The following DNAJC8 variants were observed in gnomAD, a reference collection of about 807,000 sequenced individuals.
The protein encoded by DNAJC8 is dnaJ homolog subfamily C member 8.
In DNAJC8, 24 loss-of-function variants were observed where a neutral mutation model predicts 43.2. That is an observed-to-expected ratio of 0.56 (90% CI 0.40 to 0.78). DNAJC8 has a LOEUF of 0.78. Among genes scored for constraint, DNAJC8 ranks in the 30% least tolerant of loss-of-function variants. The pLI, the probability that DNAJC8 is intolerant of heterozygous loss-of-function variation, is 0.00. For missense variants in DNAJC8, 207 were observed against 299.4 expected, an observed-to-expected ratio of 0.69 and a Z score of 2.28; for synonymous variants, 83 against 98.0, an observed-to-expected ratio of 0.85 and a Z score of 0.90.
At chr1:28,228,657 T>C (rs1646954035) in intron 2 of DNAJC8, among the ~76,000 whole-genome samples, 1 of 152,160 alleles carries the variant, frequency 6.6e-6, no homozygotes, top group East Asian at 1.9e-4. Context: ...ATTTTCTAAT[T>C]TGGGATGCTT....
chr1:28,209,345 G>C (rs549540249), intron 5 of DNAJC8, among the ~76,000 whole-genome samples: 2 of 152,130 alleles, frequency 1.3e-5, no homozygotes, highest in Non-Finnish European at 2.9e-5. Context: ...TCTTACAAAT[G>C]ACCTCAAGAT....
chr1:28,226,978 A>G (rs530281654), intron 2 of DNAJC8, among the ~76,000 whole-genome samples: 2 of 142,620 alleles, frequency 1.4e-5, no homozygotes, highest in Admixed American at 7.2e-5. Context: ...TGTTCCTTTT[A>G]TTTTCACTTT....
At chr1:28,232,229 G>A (rs1317540389) in intron 1 of DNAJC8, among the ~76,000 whole-genome samples, 1 of 152,114 alleles carries the variant, frequency 6.6e-6, no homozygotes, top group South Asian at 2.1e-4. Context: ...ACTGTGCCCA[G>A]CCCCTTGCAA....
At chr1:28,201,423 C>T in intron 8 of DNAJC8, 53 bp from the exon 9 acceptor site, 1 of 1,609,478 alleles carries the variant, frequency 6.2e-7, no homozygotes. Flanking sequence ...GTGGAAAGGC[C>T]TAAACCTGGT....
intron 1 of DNAJC8, among the ~76,000 whole-genome samples, chr1:28,232,631 C>T (rs190958764): frequency 2.0e-5 from 3 of 152,260 alleles, no homozygotes; most frequent in Non-Finnish European, 2.9e-5. Context: ...CCTCTGCCAG[C>T]CCCCGACTCC....
rs1208639745 is a variant in DNAJC8, at chr1:28,210,713, AC to A, written c.238-77del. 12 of 1,210,602 alleles carry A rather than the reference AC, an allele frequency of 9.9e-6. No individual in the cohort carries two copies. The East Asian group carries it at 2.8e-4, about 29-fold the overall frequency. The allele number at this position is 1,210,602 out of a possible 1,614,324, so 75.0% of individuals were successfully genotyped here. A position where few individuals can be genotyped will look rare whatever the true frequency, so the allele number is the denominator to read the frequency against. ...TTCCAGCCTGCCCTGTCTCGTTACA[AC>A]CAAAAGCTCTAAGGTCCTACGGCAA... On this transcript the variant is annotated intron_variant, in intron 3 of 8. Coordinates refer to ENST00000263697, the MANE Select transcript of DNAJC8 (RefSeq NM_014280.3).
chr1:28,217,531 T>A (rs1227731467), intron 2 of DNAJC8, among the ~76,000 whole-genome samples: 2 of 152,042 alleles, frequency 1.3e-5, no homozygotes, highest in Non-Finnish European at 2.9e-5. Flanking sequence ...CCCACTCTCA[T>A]AACTTCCCAA....
chr1:28,212,215 A>AT lies in DNAJC8; in HGVS notation c.238-1579_238-1578insA, dbSNP rs1557708043. 1.1e-3 allele frequency among the ~76,000 whole-genome samples: 130 copies of AT among 118,992 alleles called. 2 individuals are homozygous for AT. The highest frequency in any genetic ancestry group is 3.7e-3 in the African/African-American group (111 of 29,726). 78.1% of individuals were successfully genotyped at this position (118,992 alleles called of 152,430 possible). A position where few individuals can be genotyped will look rare whatever the true frequency, so the allele number is the denominator to read the frequency against. On this transcript the variant is annotated intron_variant, in intron 3 of 8. Transcript: ENST00000263697. ...TATATATATATATATATATATATATAAATGAAATTAACTATTCAATATAGA... is the reference window on the plus strand; with the variant it reads ...TATATATATATATATATATATATATATAATGAAATTAACTATTCAATATAGA...
At chr1:28,228,597 C>T (rs1646953705) in intron 2 of DNAJC8, among the ~76,000 whole-genome samples, 1 of 152,078 alleles carries the variant, frequency 6.6e-6, no homozygotes, top group Non-Finnish European at 1.5e-5. Context: ...AAATCTGAAA[C>T]TTTCTGAGAG....
At chr1:28,205,434 G>T in intron 6 of DNAJC8, 85 bp from the exon 7 acceptor site, 2 of 989,678 alleles carry the variant, frequency 2.0e-6, no homozygotes, top group Non-Finnish European at 3.1e-6. Flanking sequence ...TGGAGTCCAA[G>T]ATAAAGCAGA....
At chr1:28,205,182 T>G in intron 7 of DNAJC8, 76 bp downstream of exon 7, 1 of 1,139,998 alleles carries the variant, frequency 8.8e-7, no homozygotes, top group Non-Finnish European at 1.3e-6. Flanking sequence ...ATTCCCTCAT[T>G]AGGAAAATCA....
In DNAJC8 at chr1:28,201,206, G is replaced by A. The variant is rs753949516; in HGVS notation, c.*42C>T. 31 of 1,610,486 alleles carry A rather than the reference G, an allele frequency of 1.9e-5. No individual in the cohort carries two copies. In the South Asian group the frequency reaches 3.3e-4, roughly 17 times the overall value. On this transcript the variant is annotated 3_prime_UTR_variant, in exon 9 of 9. Transcript: ENST00000263697. ...GAATGAGTCCTTCGAAGCAGGAAGG[G>A]AGATAGCAGGGGAAAGGTTCTGTGC...
At chr1:28,222,899 G>A (rs1646908403) in intron 2 of DNAJC8, among the ~76,000 whole-genome samples, 1 of 152,174 alleles carries the variant, frequency 6.6e-6, no homozygotes. Context: ...GAAAATGTCA[G>A]CATGGGAGGG....
intron 8 of DNAJC8, among the ~76,000 whole-genome samples, chr1:28,202,756 A>AT (rs756753424): frequency 2.1e-4 from 28 of 134,058 alleles, no homozygotes; most frequent in Non-Finnish European, 3.9e-4. Flanking sequence ...AATTTTTTGT[A>AT]TTTTTTTAGT....
chr1:28,215,286 C>A (rs748989979), intron 2 of DNAJC8, among the ~76,000 whole-genome samples: 2 of 152,044 alleles, frequency 1.3e-5, no homozygotes, highest in Non-Finnish European at 2.9e-5. Flanking sequence ...GAAAATTTTG[C>A]ATTTCTCCTT....
chr1:28,232,956 T>TGCCTCC lies in DNAJC8; in HGVS notation c.37_42dup (p.Gly13_Gly14dup). 1 of 1,613,342 alleles carries TGCCTCC rather than the reference T, an allele frequency of 6.2e-7. No individual in the cohort carries two copies. The highest frequency in any genetic ancestry group is 1.1e-5 in the South Asian group (1 of 91,072). On this transcript the variant is annotated inframe_insertion, in exon 1 of 9. Transcript: ENST00000263697. ...AAGGTCATAAATGCTTCCTCGGTGC[T>TGCCTCC]GCCTCCGCCGCCTGAAGTCCCGCTC...
chr1:28,218,855 T>C (rs1646879798), intron 2 of DNAJC8, among the ~76,000 whole-genome samples: 1 of 152,044 alleles, frequency 6.6e-6, no homozygotes, highest in East Asian at 1.9e-4. Flanking sequence ...AGTCACTCAA[T>C]AGGAAGAGCA....
intron 3 of DNAJC8, among the ~76,000 whole-genome samples, chr1:28,213,919 G>A (rs916932486): frequency 1.3e-5 from 2 of 152,106 alleles, no homozygotes; most frequent in African/African-American, 4.8e-5. Flanking sequence ...GGGAGGTTGA[G>A]GAGGGAGGAT....
intron 2 of DNAJC8, among the ~76,000 whole-genome samples, chr1:28,219,015 G>A (rs1406262780): frequency 6.6e-6 from 1 of 150,618 alleles, no homozygotes; most frequent in Non-Finnish European, 1.5e-5. Context: ...AGAAAGAACA[G>A]AAATTGTCCC....
Sources: allele counts gnomAD v4.1 joint callset (sites outside exome capture counted in the v4.1 genomes callset), GRCh38; gene constraint gnomAD v4.1.1; transcripts MANE v1.5; gene names NCBI Gene and HGNC (gene_info 2026-07-23, HGNC 2026-07-21).